SPAG6: variants seen among roughly 807,000 people sequenced by gnomAD.
SPAG6 encodes the protein sperm associated antigen 6.
SPAG6 carries 49 observed loss-of-function variants against 58.5 expected under a neutral mutation model. The observed-to-expected ratio is 0.84, with a 90% confidence interval of 0.67 to 1.06. SPAG6 has a LOEUF of 1.06. Among genes scored for constraint, SPAG6 ranks in the 50% least tolerant of loss-of-function variants. SPAG6 has a pLI of 0.00. For synonymous variants in SPAG6, 233 were observed against 225.6 expected, an observed-to-expected ratio of 1.03 and a Z score of -0.29; for missense variants, 560 against 611.3, an observed-to-expected ratio of 0.92 and a Z score of 0.89.
At chr10:22,346,988 GACA>G (rs1221953500) in intron 2 of SPAG6, among the ~76,000 whole-genome samples, 1 of 152,150 alleles carries the variant, frequency 6.6e-6, no homozygotes, top group African/African-American at 2.4e-5. Flanking sequence ...GGAGGACATT[GACA>G]TTGATAAAAA....
At chr10:22,413,547 TTAATC>T (rs1834796036) in intron 10 of SPAG6, among the ~76,000 whole-genome samples, 1 of 151,594 alleles carries the variant, frequency 6.6e-6, no homozygotes, top group African/African-American at 2.4e-5. Context: ...AAAAAAAAAA[TTAATC>T]TAGTGCTTTG....
rs141020833 is a variant in SPAG6, at chr10:22,388,314, G to C, written c.852+318G>C. Reference sequence around the variant, plus strand: ...TCCTCAGGGAGCAAAACTGCCTCCAGTTGAGAACACTGGGTTATATTAGCA... The same window carrying C: ...TCCTCAGGGAGCAAAACTGCCTCCACTTGAGAACACTGGGTTATATTAGCA... On this transcript the variant is annotated intron_variant, in intron 6 of 10. Transcript: ENST00000376624. Among the ~76,000 whole-genome samples the C allele has an allele frequency of 3.7e-3, 561 of 152,204 alleles. 3 individuals carry two copies. Among genetic ancestry groups the C allele is most frequent in the African/African-American group, 0.013 (543 of 41,526 alleles).
chr10:22,415,694 G>A (rs1257124828), intron 10 of SPAG6, among the ~76,000 whole-genome samples: 3 of 152,100 alleles, frequency 2.0e-5, no homozygotes, highest in Non-Finnish European at 4.4e-5. Context: ...TTTAGGTCAA[G>A]CATCTGGGCA....
At chr10:22,401,488 C>G (rs1834413429) in intron 9 of SPAG6, among the ~76,000 whole-genome samples, 1 of 152,120 alleles carries the variant, frequency 6.6e-6, no homozygotes, top group African/African-American at 2.4e-5. Flanking sequence ...CTTAGAGTCT[C>G]TACTGTCTTT....
chr10:22,400,039 A>C (rs1378416582), intron 8 of SPAG6, among the ~76,000 whole-genome samples: 5 of 152,224 alleles, frequency 3.3e-5, no homozygotes, highest in South Asian at 4.1e-4. Flanking sequence ...CTGGGTCTCC[A>C]GGAAACCTTA....
In SPAG6 at chr10:22,345,842, G is replaced by T; in HGVS notation, c.121+24G>T. ...GGGTGAGCCCGGAGCCCGAACCCCC[G>T]TCGCCCCCCGCGCACTGAGTCCCCG... On this transcript the variant is annotated intron_variant, in intron 2 of 10. Transcript: ENST00000376624. The surrounding 1 kb of genome is among the most constrained non-coding windows in gnomAD (Gnocchi z 6.3). 1 of 1,604,026 alleles carries T rather than the reference G, an allele frequency of 6.2e-7. No individual in the cohort carries two copies. Among genetic ancestry groups the T allele is most frequent in the South Asian group, 1.1e-5 (1 of 89,696 alleles).
rs187684553 is a variant in SPAG6 at position 22,357,969 on chromosome 10, T to G, written c.122-6884T>G. 6.2e-3 allele frequency among the ~76,000 whole-genome samples: 941 copies of G among 152,268 alleles called. 6 individuals are homozygous for G. The highest frequency in any genetic ancestry group is 0.021 in the African/African-American group (885 of 41,534). On this transcript the variant is annotated intron_variant, in intron 2 of 10. Coordinates refer to ENST00000376624, the MANE Select transcript of SPAG6 (RefSeq NM_012443.4). The stretch of plus-strand genomic sequence containing the variant: ...ATGGTGTATATGTGCCACATTTTCT[T>G]AATCCAGTCTCTCATTGTTGGACAT...
intron 6 of SPAG6, among the ~76,000 whole-genome samples, chr10:22,388,580 G>A (rs1482724367): frequency 6.6e-6 from 1 of 152,152 alleles, no homozygotes; most frequent in Non-Finnish European, 1.5e-5. Flanking sequence ...TAGAGAGAAA[G>A]CAAGCCTGTG....
chr10:22,358,954 G>A (rs1309040326), intron 2 of SPAG6, among the ~76,000 whole-genome samples: 1 of 152,148 alleles, frequency 6.6e-6, no homozygotes, highest in African/African-American at 2.4e-5. Context: ...GGGAACTGAG[G>A]CACAGAGATG....
At chr10:22,412,579 A>C in intron 10 of SPAG6, 1 of 904,828 alleles carries the variant, frequency 1.1e-6, no homozygotes, top group Non-Finnish European at 1.7e-6. Flanking sequence ...ATATCATAAC[A>C]TGTATAATTA....
intron 8 of SPAG6, among the ~76,000 whole-genome samples, chr10:22,392,875 G>T (rs1256924132): frequency 6.6e-6 from 1 of 151,962 alleles, no homozygotes; most frequent in Non-Finnish European, 1.5e-5. Context: ...GGTCATGTTT[G>T]CATATTATTT....
intron 8 of SPAG6, among the ~76,000 whole-genome samples, chr10:22,398,186 T>C (rs1834338031): frequency 6.6e-6 from 1 of 152,214 alleles, no homozygotes; most frequent in Non-Finnish European, 1.5e-5. Flanking sequence ...ATGGGACAAT[T>C]GTATCCTCAA....
At chr10:22,404,554 T>C (rs1834501645) in intron 9 of SPAG6, among the ~76,000 whole-genome samples, 8 of 105,196 alleles carry the variant, frequency 7.6e-5, no homozygotes, top group African/African-American at 1.1e-4. Context: ...TAGTATAGTT[T>C]GAAGTCAGGT....
chr10:22,412,727 A>T, intron 10 of SPAG6: 1 of 348,424 alleles, frequency 2.9e-6, no homozygotes, highest in Non-Finnish European at 5.2e-6. Context: ...ACACGCTACC[A>T]CTCCCAGCTA....
At chr10:22,371,092 A>G (rs1724545945) in intron 4 of SPAG6, among the ~76,000 whole-genome samples, 1 of 152,164 alleles carries the variant, frequency 6.6e-6, no homozygotes, top group Admixed American at 6.5e-5. Flanking sequence ...TTTCCACTGT[A>G]ATTTCAATAT....
At chr10:22,385,904 G>A (rs12241555) in intron 4 of SPAG6, among the ~76,000 whole-genome samples, 25,312 of 152,144 alleles carry the variant, frequency 0.17, 6,308 homozygotes, top group African/African-American at 0.55. Context: ...AAGAGGGGCC[G>A]TGAATACAAT....
chr10:22,385,549 C>T (rs1227887308), intron 4 of SPAG6, among the ~76,000 whole-genome samples: 1 of 152,138 alleles, frequency 6.6e-6, no homozygotes, highest in African/African-American at 2.4e-5. Flanking sequence ...CTGAATGAGC[C>T]TGTCACTTAA....
At chr10:22,413,978 G>A (rs1022195254) in intron 10 of SPAG6, among the ~76,000 whole-genome samples, 2 of 151,976 alleles carry the variant, frequency 1.3e-5, no homozygotes, top group Non-Finnish European at 2.9e-5. Flanking sequence ...ACTGCCTTCC[G>A]ATTTAGTAAT....
intron 3 of SPAG6, among the ~76,000 whole-genome samples, chr10:22,367,853 TAAA>T (rs11366499): frequency 6.6e-6 from 1 of 151,332 alleles, no homozygotes; most frequent in African/African-American, 2.4e-5. Context: ...GCTTTTATCT[TAAA>T]AAAAAAGCAT....
Sources: gnomAD v4.1 joint callset for allele counts (sites outside exome capture counted in the v4.1 genomes callset) on GRCh38, gnomAD v4.1.1 for gene constraint, Gnocchi (gnomAD v3.1) non-coding constraint, MANE v1.5 for transcripts, NCBI Gene and HGNC (gene_info 2026-07-23, HGNC 2026-07-21) for gene names.